Variants in RIPOR2 observed in about 807,000 individuals in gnomAD.
RIPOR2 encodes RHO family interacting cell polarization regulator 2, also known as rho family-interacting cell polarization regulator 2.
Under a neutral mutation model 114.5 loss-of-function variants are expected in RIPOR2, and 39 were observed. That is an observed-to-expected ratio of 0.34 (90% CI 0.26 to 0.44). The LOEUF is 0.44. Ranked by LOEUF, RIPOR2 falls within the 20% of genes least tolerant of loss-of-function variation. The probability of loss-of-function intolerance (pLI) is 1.00; values close to 1 mark genes in which losing one functional copy is unlikely to be tolerated. For synonymous variants in RIPOR2, 445 were observed against 484.4 expected, an observed-to-expected ratio of 0.92 and a Z score of 1.07; for missense variants, 1,007 against 1,255.1, an observed-to-expected ratio of 0.80 and a Z score of 2.99.
chr6:24,842,923 T>C lies in RIPOR2; in HGVS notation c.1796A>G (p.Glu599Gly). Residue 599 changes from glutamate to glycine, a missense_variant, in exon 13 of 22, where the codon GAG (glutamate) becomes GGG (glycine). Transcript: ENST00000643898. ...GLLLALEPHK[E>G]QYKEFQDLNQ... ...CAGATCCTGAAACTCTTTATACTGCTCTTTATGTGGTTCTAATGCAAGTAA... is the reference window on the plus strand; with the variant it reads ...CAGATCCTGAAACTCTTTATACTGCCCTTTATGTGGTTCTAATGCAAGTAA... The C allele has an allele frequency of 6.6e-7, 1 of 1,512,000 alleles. No individual in the cohort carries two copies. The allele number at this position is 1,512,000 out of a possible 1,614,324, so 93.7% of individuals were successfully genotyped here.
intron 18 of RIPOR2, among the ~76,000 whole-genome samples, chr6:24,826,456 C>T (rs750841698): frequency 4.6e-5 from 7 of 151,596 alleles, no homozygotes; most frequent in Non-Finnish European, 8.8e-5. Flanking sequence ...AATAAAGCAA[C>T]ATTCTCTACA....
chr6:24,860,434 A>G (rs1763964594), intron 8 of RIPOR2, among the ~76,000 whole-genome samples: 1 of 152,186 alleles, frequency 6.6e-6, no homozygotes, highest in African/African-American at 2.4e-5. Context: ...AACTAATCAA[A>G]TGTACAAGGC....
intron 1 of RIPOR2, among the ~76,000 whole-genome samples, chr6:24,934,386 G>C (rs1771617894): frequency 6.6e-6 from 1 of 152,194 alleles, no homozygotes; most frequent in African/African-American, 2.4e-5. Context: ...CAGCAGCGAA[G>C]CTCAATAGAT....
intron 1 of RIPOR2, among the ~76,000 whole-genome samples, chr6:24,907,284 AAAACAT>A (rs1234906033): frequency 6.6e-6 from 1 of 152,220 alleles, no homozygotes; most frequent in Non-Finnish European, 1.5e-5. Context: ...TGAACTTGTG[AAAACAT>A]TCATCTCCTC....
intron 1 of RIPOR2, among the ~76,000 whole-genome samples, chr6:24,928,467 C>T (rs1771132059): frequency 6.6e-6 from 1 of 152,164 alleles, no homozygotes; most frequent in South Asian, 2.1e-4. Context: ...AAAAATTATA[C>T]TCAAAGGCTC....
At chr6:25,019,003 G>A (rs1776161069) in intron 1 of RIPOR2, among the ~76,000 whole-genome samples, 1 of 152,140 alleles carries the variant, frequency 6.6e-6, no homozygotes, top group Admixed American at 6.5e-5. Context: ...CATCTATTTA[G>A]TTAGCTTGAA....
intron 1 of RIPOR2, among the ~76,000 whole-genome samples, chr6:25,039,042 A>G (rs142134334): frequency 1.9e-3 from 284 of 152,370 alleles, no homozygotes; most frequent in African/African-American, 6.2e-3. Flanking sequence ...CTGTGTATTT[A>G]AAGAAAAGGG....
intron 12 of RIPOR2, among the ~76,000 whole-genome samples, chr6:24,845,565 C>A (rs923506670): frequency 6.6e-6 from 1 of 152,122 alleles, no homozygotes; most frequent in Non-Finnish European, 1.5e-5. Flanking sequence ...TCCTTCCCAG[C>A]CATTTGTCTT....
intron 1 of RIPOR2, among the ~76,000 whole-genome samples, chr6:24,948,754 C>T (rs751768337): frequency 6.6e-6 from 1 of 152,206 alleles, no homozygotes; most frequent in Non-Finnish European, 1.5e-5. Context: ...TGGTCTCAAA[C>T]TCCCGACCTC....
At chr6:25,006,601 CCT>C (rs1469303346) in intron 1 of RIPOR2, among the ~76,000 whole-genome samples, 3 of 152,134 alleles carry the variant, frequency 2.0e-5, no homozygotes, top group Non-Finnish European at 2.9e-5. Context: ...GAGTTCATCC[CCT>C]GTGTCCTCCA....
chr6:25,004,093 T>C (rs1313012341), intron 1 of RIPOR2, among the ~76,000 whole-genome samples: 6 of 152,198 alleles, frequency 3.9e-5, no homozygotes, highest in African/African-American at 1.4e-4. Flanking sequence ...AGGGATATTA[T>C]GGTTGTGACA....
intron 1 of RIPOR2, among the ~76,000 whole-genome samples, chr6:24,901,633 T>C (rs79014439): frequency 0.032 from 4,884 of 152,244 alleles, 221 homozygotes; most frequent in African/African-American, 0.099. Flanking sequence ...AGTGTCCAAC[T>C]GAGGACATTA....
At chr6:25,017,244 C>T (rs1450520017) in intron 1 of RIPOR2, among the ~76,000 whole-genome samples, 2 of 152,190 alleles carry the variant, frequency 1.3e-5, no homozygotes, top group Admixed American at 6.5e-5. Context: ...ATCACTTGAA[C>T]CCAGGAGGCA....
chr6:25,024,968 A>T (rs1297923956), intron 1 of RIPOR2, among the ~76,000 whole-genome samples: 1 of 152,170 alleles, frequency 6.6e-6, no homozygotes, highest in Non-Finnish European at 1.5e-5. Context: ...TCAGCTCCAC[A>T]ACATTCTCTG....
chr6:25,003,066 A>G (rs1266812520), intron 1 of RIPOR2, among the ~76,000 whole-genome samples: 1 of 152,232 alleles, frequency 6.6e-6, no homozygotes, highest in Non-Finnish European at 1.5e-5. Flanking sequence ...AACATGGAAC[A>G]GGTTTTATAA....
At position 24,828,263 on chromosome 6, in the gene RIPOR2, G is replaced by C. The variant is rs368666946; in HGVS notation, c.2539C>G (p.Arg847Gly). 1 of 1,548,682 alleles carries C rather than the reference G, an allele frequency of 6.5e-7. No homozygotes were observed. The highest frequency in any genetic ancestry group is 2.5e-5 in the East Asian group (1 of 40,746). Residue 847 changes from arginine to glycine, a missense_variant, in exon 18 of 22, where the codon CGG becomes GGG. Transcript: ENST00000643898. The part of the protein sequence containing the change: ...FRTLVSQILD[R>G]AEPLLSSSLS... Reference sequence around the variant, plus strand: ...CTGGAGGAAAGCAGAGGCTCAGCCCGGTCCAGAATTTGGGACACCAGGGTT... The same window carrying C: ...CTGGAGGAAAGCAGAGGCTCAGCCCCGTCCAGAATTTGGGACACCAGGGTT...
intron 1 of RIPOR2, among the ~76,000 whole-genome samples, chr6:25,035,984 C>A (rs1418427287): frequency 6.6e-6 from 1 of 152,190 alleles, no homozygotes; most frequent in African/African-American, 2.4e-5. Flanking sequence ...GTTCTTACCT[C>A]CTTGTGTAGA....
chr6:24,966,416 A>G (rs1043633479), intron 1 of RIPOR2, among the ~76,000 whole-genome samples: 5 of 152,174 alleles, frequency 3.3e-5, no homozygotes, highest in Non-Finnish European at 5.9e-5. Context: ...TTACAAAATT[A>G]CCTAGCCTCC....
chr6:24,820,413 A>C (rs932410757), intron 19 of RIPOR2, among the ~76,000 whole-genome samples: 2 of 152,348 alleles, frequency 1.3e-5, no homozygotes, highest in Non-Finnish European at 2.9e-5. Flanking sequence ...AGACTACAGC[A>C]TGTATAATTC....
Sources: gnomAD v4.1 joint callset for allele counts (sites outside exome capture counted in the v4.1 genomes callset) on GRCh38, gnomAD v4.1.1 for gene constraint, MANE v1.5 for transcripts, NCBI Gene and HGNC (gene_info 2026-07-23, HGNC 2026-07-21) for gene names.